CEMIP2: variants seen among roughly 807,000 people sequenced by gnomAD.
The protein encoded by CEMIP2 is cell surface hyaluronidase CEMIP2.
In CEMIP2, 79 loss-of-function variants were observed where a neutral mutation model predicts 146.9. The observed-to-expected ratio is 0.54, with a 90% CI of 0.45 to 0.65. CEMIP2 has a LOEUF of 0.65. CEMIP2 is among the 30% of genes least tolerant of loss of function. CEMIP2 has a pLI of 0.00. For synonymous variants in CEMIP2, 601 were observed against 606.3 expected, an observed-to-expected ratio of 0.99 and a Z score of 0.13; for missense variants, 1,596 against 1,696.2, an observed-to-expected ratio of 0.94 and a Z score of 1.04.
Position 71,730,177 on chromosome 9 carries a change from A to C in CEMIP2, c.1850T>G (p.Leu617Trp). ...GGTGAGGAGTCCCAGATTGTGGAAC[A>C]AAGTATTCCTCTGTTCAATACCATC... ...LEDGIEQRNT[L>W]FHNLGLLTKP... Residue 617 changes from leucine (L) to tryptophan (W), a missense_variant, in exon 9 of 24, where the codon TTG (leucine) becomes TGG (tryptophan). By Grantham distance (61) the Leu-to-Trp change is moderately conservative. Coordinates refer to ENST00000377044, the MANE Select transcript of CEMIP2 (RefSeq NM_013390.3). 6.2e-7 allele frequency: 1 copy of C among 1,614,210 alleles called. No individual in the cohort carries two copies. Among genetic ancestry groups the C allele is most frequent in the Non-Finnish European group, 8.5e-7 (1 of 1,180,044 alleles).
rs144764453 is a variant in CEMIP2 at position 71,712,204 on chromosome 9, C to T, written c.2648G>A (p.Ser883Asn). Residue 883 changes from serine (S) to asparagine (N), a missense_variant, in exon 16 of 24, where the codon AGC (serine) becomes AAC (asparagine). Ser to Asn is a conservative substitution (Grantham distance 46, BLOSUM62 1). Coordinates refer to ENST00000377044, the MANE Select transcript of CEMIP2 (RefSeq NM_013390.3). ...AGTTGGCACATATTTTTTGAAAGTG[C>T]TCCTTGTGAGATGAATGGGCCCATC... ...IYDGPIHLTR[S>N]TFKKYVPTPD... 2.1e-3 allele frequency: 3,345 copies of T among 1,614,088 alleles called. 7 individuals carry two copies. The highest frequency in any genetic ancestry group is 2.3e-3 in the Non-Finnish European group (2,705 of 1,180,008).
intron 12 of CEMIP2, among the ~76,000 whole-genome samples, chr9:71,721,983 A>T (rs1823243991): frequency 6.6e-6 from 1 of 152,240 alleles, no homozygotes; most frequent in Non-Finnish European, 1.5e-5. Flanking sequence ...GTTGCTCATC[A>T]AATTTGGGAT....
rs114297275 is a variant in CEMIP2, at chr9:71,747,204, G to A, written c.332-863C>T. ...ACGCCTTCAATTTTGATCAACCTATGGCCAAGTATTTGTGGAGCATCAATT... is the reference window on the plus strand; with the variant it reads ...ACGCCTTCAATTTTGATCAACCTATAGCCAAGTATTTGTGGAGCATCAATT... On this transcript the variant is annotated intron_variant, in intron 2 of 23. Transcript: ENST00000377044. Among the ~76,000 whole-genome samples the A allele has an allele frequency of 6.1e-3, 933 of 152,256 alleles. 42 individuals carry two copies. The South Asian group carries it at 0.12, about 20-fold the overall frequency.
intron 23 of CEMIP2, 140 bp from the exon 24 acceptor site, chr9:71,685,533 A>T: frequency 6.3e-6 from 7 of 1,115,048 alleles, no homozygotes; most frequent in Non-Finnish European, 8.6e-6. Context: ...TACATCAGCA[A>T]ATGAACTCTC....
At chr9:71,716,362 A>G (rs1030064854) in intron 14 of CEMIP2, among the ~76,000 whole-genome samples, 155 bp downstream of exon 14, 1 of 147,510 alleles carries the variant, frequency 6.8e-6, no homozygotes, top group Non-Finnish European at 1.5e-5. Flanking sequence ...AAAAAAAAAA[A>G]TGTATTTTTG....
At chr9:71,737,899 G>T (rs1823805270) in intron 5 of CEMIP2, among the ~76,000 whole-genome samples, 2 of 152,130 alleles carry the variant, frequency 1.3e-5, no homozygotes, top group African/African-American at 4.8e-5. Context: ...GCTAATAGTT[G>T]TTGAGATCCC....
chr9:71,758,609 G>C (rs1824534538), intron 1 of CEMIP2, among the ~76,000 whole-genome samples: 1 of 152,158 alleles, frequency 6.6e-6, no homozygotes, highest in African/African-American at 2.4e-5. Flanking sequence ...TGAGAGGAGA[G>C]ACGGCAAATG....
chr9:71,704,881 A>C (rs1822690227), intron 17 of CEMIP2, 78 bp from the exon 18 acceptor site: 2 of 1,380,370 alleles, frequency 1.4e-6, no homozygotes, highest in African/African-American at 1.4e-5. Context: ...GCACAAAGTC[A>C]AGTGTCTCAA....
chr9:71,767,371 T>G (rs867679795), intron 1 of CEMIP2, among the ~76,000 whole-genome samples: 2 of 152,300 alleles, frequency 1.3e-5, no homozygotes, highest in Non-Finnish European at 2.9e-5. Context: ...CGCATCACTC[T>G]GTCACACTGA....
At chr9:71,685,485 C>T in intron 23 of CEMIP2, 92 bp from the exon 24 acceptor site, 1 of 1,335,996 alleles carries the variant, frequency 7.5e-7, no homozygotes, top group Non-Finnish European at 9.8e-7. Flanking sequence ...CGGAGGTGAG[C>T]AAAACAAAGG....
At chr9:71,689,984 C>A (rs1463651018) in intron 22 of CEMIP2, 108 bp downstream of exon 22, 2 of 1,371,942 alleles carry the variant, frequency 1.5e-6, no homozygotes, top group Non-Finnish European at 2.0e-6. Flanking sequence ...TGCATAGTGC[C>A]CTGAATGTCC....
rs573948465 is a variant in CEMIP2 at position 71,759,832 on chromosome 9, G to C, written c.-13+8525C>G. On this transcript the variant is annotated intron_variant, in intron 1 of 23. Transcript: ENST00000377044. ...TTGTTGGGGGGTACGGGGAGGTGGG[G>C]GGGGGATGGCAGGGGGTCAGTCCTA... 5.0e-4 allele frequency among the ~76,000 whole-genome samples: 75 copies of C among 149,108 alleles called. 1 individual carries two copies. Among genetic ancestry groups the C allele is most frequent in the African/African-American group, 1.7e-3 (70 of 40,546 alleles).
intron 1 of CEMIP2, 51 bp from the exon 2 acceptor site, chr9:71,750,436 ATTTCT>A (rs1390247846): frequency 6.4e-6 from 8 of 1,249,448 alleles, no homozygotes; most frequent in South Asian, 3.3e-5. Context: ...TTCTTTTTTA[ATTTCT>A]TTTATTTATT....
intron 5 of CEMIP2, among the ~76,000 whole-genome samples, chr9:71,738,396 TCCCAG>T (rs1459562200): frequency 6.6e-6 from 1 of 150,616 alleles, no homozygotes; most frequent in Non-Finnish European, 1.5e-5. Flanking sequence ...GCACCTGTAA[TCCCAG>T]CTACTTGGGA....
In CEMIP2 at chr9:71,693,872, T is replaced by C. The variant is rs573302449; in HGVS notation, c.3696+637A>G. Among the ~76,000 whole-genome samples, 144 of 152,294 alleles carry C rather than the reference T, an allele frequency of 9.5e-4. 2 individuals are homozygous for C. The highest frequency in any genetic ancestry group is 3.2e-3 in the African/African-American group (132 of 41,568). ...TCTCCAAGGTAACAGTATTAGCAGGTAGAATCTTTGGGAAGTGATCAGGAC... is the reference window on the plus strand; with the variant it reads ...TCTCCAAGGTAACAGTATTAGCAGGCAGAATCTTTGGGAAGTGATCAGGAC... On this transcript the variant is annotated intron_variant, in intron 21 of 23. Transcript: ENST00000377044.
rs1824871281 is a variant in CEMIP2, at chr9:71,768,504, G to C, written c.-160C>G. ...TTGCCGGCGCCCGCAGCTGCCGCTC[G>C]TACTCAACTGGCAGCCGCAGCCTCT... is the stretch of plus-strand genomic sequence containing the variant. On this transcript the variant is annotated 5_prime_UTR_variant, in exon 1 of 24. Coordinates refer to ENST00000377044, the MANE Select transcript of CEMIP2 (RefSeq NM_013390.3). The C allele has an allele frequency of 6.6e-6, 1 of 152,352 alleles. No homozygotes were observed. Among genetic ancestry groups the C allele is most frequent in the Non-Finnish European group, 1.5e-5 (1 of 68,220 alleles). The allele number at this position is 152,352 out of a possible 1,614,324, so 9.4% of individuals were successfully genotyped here.
intron 1 of CEMIP2, among the ~76,000 whole-genome samples, chr9:71,762,941 G>C (rs1824679756): frequency 6.6e-6 from 1 of 152,060 alleles, no homozygotes; most frequent in African/African-American, 2.4e-5. Flanking sequence ...TTGAGCCCAG[G>C]AGGTGGAGGC....
intron 12 of CEMIP2, 112 bp downstream of exon 12, chr9:71,722,315 C>T (rs1276472958): frequency 7.2e-6 from 6 of 829,144 alleles, no homozygotes. Flanking sequence ...TTACGAACTT[C>T]TAAAACTTTA....
intron 17 of CEMIP2, among the ~76,000 whole-genome samples, chr9:71,705,926 G>C (rs1822721043): frequency 6.6e-6 from 1 of 151,684 alleles, no homozygotes; most frequent in Non-Finnish European, 1.5e-5. Flanking sequence ...TATCCCTCAG[G>C]TCATTAAAAA....
Sources: gnomAD v4.1 joint callset for allele counts (sites outside exome capture counted in the v4.1 genomes callset) on GRCh38, gnomAD v4.1.1 for gene constraint, MANE v1.5 for transcripts, NCBI Gene and HGNC (gene_info 2026-07-23, HGNC 2026-07-21) for gene names.